Variants in GBE1 observed in about 807,000 individuals in gnomAD.
GBE1 encodes 1,4-alpha-glucan branching enzyme 1.
Under a neutral mutation model 88.8 loss-of-function variants are expected in GBE1, and 70 were observed. That is an observed-to-expected ratio of 0.79 (90% confidence interval 0.65 to 0.96). GBE1 has a LOEUF of 0.96. GBE1 is among the 40% of genes least tolerant of loss of function. The pLI, the probability that GBE1 is intolerant of heterozygous loss-of-function variation, is 0.00. For missense variants in GBE1, 872 were observed against 871.0 expected, an observed-to-expected ratio of 1.00 and a Z score of -0.01; for synonymous variants, 284 against 300.1, an observed-to-expected ratio of 0.95 and a Z score of 0.56.
At chr3:81,586,936 C>G (rs1195410720) in intron 9 of GBE1, among the ~76,000 whole-genome samples, 1 of 151,954 alleles carries the variant, frequency 6.6e-6, no homozygotes, top group Non-Finnish European at 1.5e-5. Context: ...TTACAGATGT[C>G]CACCACCATT....
At chr3:81,511,076 G>T (rs1447408296) in intron 14 of GBE1, among the ~76,000 whole-genome samples, 1 of 151,928 alleles carries the variant, frequency 6.6e-6, no homozygotes, top group Non-Finnish European at 1.5e-5. Context: ...AAACAATGGG[G>T]AAAGGACTCC....
rs368143823 is a variant in GBE1 at position 81,526,390 on chromosome 3, G to C, written c.1934+8805C>G. 5.9e-5 allele frequency among the ~76,000 whole-genome samples: 9 copies of C among 152,178 alleles called. No individual in the cohort carries two copies. The East Asian group carries it at 1.7e-3, about 30-fold the overall frequency. The stretch of plus-strand genomic sequence containing the variant: ...GGCCAGGGCAATCAGGCAGGAGAAA[G>C]AAATAAAGGGTAATCAATTAGGAAA... On this transcript the variant is annotated intron_variant, in intron 14 of 15. Coordinates refer to ENST00000429644, the MANE Select transcript of GBE1 (RefSeq NM_000158.4).
At chr3:81,664,216 T>C (rs554871116) in intron 3 of GBE1, among the ~76,000 whole-genome samples, 2 of 151,860 alleles carry the variant, frequency 1.3e-5, no homozygotes, top group South Asian at 4.2e-4. Flanking sequence ...TTATGAAAAA[T>C]AAGAAGAACA....
chr3:81,649,011 G>A lies in GBE1; in HGVS notation c.556-20C>T. ...CTTAAACTACAGAATATAAAATTAT[G>A]TATAGAGTTAAGCCAGGAATTCTGG... On this transcript the variant is annotated intron_variant, in intron 4 of 15. Coordinates refer to ENST00000429644, the MANE Select transcript of GBE1 (RefSeq NM_000158.4). The A allele has an allele frequency of 2.0e-6, 3 of 1,523,318 alleles. No homozygotes were observed. Among genetic ancestry groups the A allele is most frequent in the Non-Finnish European group, 2.7e-6 (3 of 1,125,506 alleles). The allele number at this position is 1,523,318 out of a possible 1,614,324, so 94.4% of individuals were successfully genotyped here. A position where few individuals can be genotyped will look rare whatever the true frequency, so the allele number is the denominator to read the frequency against.
chr3:81,678,866 T>C (rs1705298279), intron 2 of GBE1, among the ~76,000 whole-genome samples: 1 of 152,166 alleles, frequency 6.6e-6, no homozygotes, highest in South Asian at 2.1e-4. Context: ...TCAGGCAATC[T>C]GACTCTAGAC....
intron 14 of GBE1, among the ~76,000 whole-genome samples, chr3:81,517,964 G>A (rs1269514428): frequency 1.3e-5 from 2 of 151,160 alleles, no homozygotes; most frequent in African/African-American, 4.8e-5. Context: ...TGTATTCTAA[G>A]TAAACATATC....
intron 7 of GBE1, among the ~76,000 whole-genome samples, chr3:81,619,844 G>A (rs986109150): frequency 6.6e-6 from 1 of 151,868 alleles, no homozygotes; most frequent in African/African-American, 2.4e-5. Flanking sequence ...TTAATGTGAG[G>A]AAACAAAATA....
At chr3:81,492,717 C>CT (rs57498721) in intron 15 of GBE1, among the ~76,000 whole-genome samples, 78,059 of 117,110 alleles carry the variant, frequency 0.67, 24,055 homozygotes, top group South Asian at 0.8. Flanking sequence ...CCTTTCCTTC[C>CT]TTCCTTCCTT....
intron 2 of GBE1, among the ~76,000 whole-genome samples, chr3:81,683,420 C>T (rs1178184110): frequency 6.6e-6 from 1 of 152,022 alleles, no homozygotes; most frequent in East Asian, 1.9e-4. Context: ...TTAGCTTGCT[C>T]AATAAGTAGA....
intron 7 of GBE1, among the ~76,000 whole-genome samples, chr3:81,618,076 T>C (rs940409656): frequency 6.6e-6 from 1 of 151,992 alleles, no homozygotes; most frequent in East Asian, 1.9e-4. Flanking sequence ...AGAAGGAAAC[T>C]TTATTGTATT....
At chr3:81,622,881 TTTAA>T (rs1354798429) in intron 7 of GBE1, among the ~76,000 whole-genome samples, 3 of 152,202 alleles carry the variant, frequency 2.0e-5, no homozygotes, top group African/African-American at 7.2e-5. Flanking sequence ...CCATATTTAA[TTTAA>T]TTAATTATTA....
At chr3:81,742,948 G>C (rs1218090394) in intron 1 of GBE1, among the ~76,000 whole-genome samples, 1 of 152,094 alleles carries the variant, frequency 6.6e-6, no homozygotes, top group Non-Finnish European at 1.5e-5. Flanking sequence ...AACAACGACA[G>C]TAATAAATAT....
At chr3:81,692,352 G>A (rs1420386148) in intron 2 of GBE1, among the ~76,000 whole-genome samples, 1 of 152,138 alleles carries the variant, frequency 6.6e-6, no homozygotes, top group African/African-American at 2.4e-5. Flanking sequence ...GTTTATGTTT[G>A]CTTTTCAACC....
chr3:81,598,552 A>T lies in GBE1; in HGVS notation c.993-4529T>A, dbSNP rs149570389. Among the ~76,000 whole-genome samples the T allele has an allele frequency of 2.4e-3, 360 of 152,100 alleles. 2 individuals carry two copies. The highest frequency in any genetic ancestry group is 8.4e-3 in the African/African-American group (349 of 41,580). ...ATCAATTTTAATTAAATTAACCAAC[A>T]ATTAAAAATATTATGTTTTGCTCAT... On this transcript the variant is annotated intron_variant, in intron 7 of 15. Coordinates refer to ENST00000429644, the MANE Select transcript of GBE1 (RefSeq NM_000158.4).
At chr3:81,719,817 C>T (rs1705995860) in intron 1 of GBE1, among the ~76,000 whole-genome samples, 1 of 151,888 alleles carries the variant, frequency 6.6e-6, no homozygotes, top group African/African-American at 2.4e-5. Context: ...AATTTTTTTA[C>T]CTAAAACAAT....
chr3:81,503,958 T>A, intron 14 of GBE1, among the ~76,000 whole-genome samples: 1 of 152,086 alleles, frequency 6.6e-6, no homozygotes, highest in Admixed American at 6.6e-5. Flanking sequence ...CTTACACTCA[T>A]GGCAGAAGGA....
At chr3:81,560,362 TCTAA>T (rs748847274) in intron 12 of GBE1, among the ~76,000 whole-genome samples, 2 of 152,012 alleles carry the variant, frequency 1.3e-5, no homozygotes, top group Non-Finnish European at 2.9e-5. Flanking sequence ...ATCTAAGATA[TCTAA>T]CTGTCTTCTT....
intron 3 of GBE1, among the ~76,000 whole-genome samples, chr3:81,663,032 G>A (rs1273402683): frequency 1.3e-5 from 2 of 152,162 alleles, no homozygotes; most frequent in Admixed American, 6.5e-5. Context: ...CACAAAGAGT[G>A]GAAAACTCAA....
intron 1 of GBE1, among the ~76,000 whole-genome samples, chr3:81,716,704 C>T (rs1203999625): frequency 1.3e-5 from 2 of 152,122 alleles, no homozygotes; most frequent in African/African-American, 4.8e-5. Context: ...TTAATGTAAA[C>T]ATATTTTGAC....
Sources: gnomAD v4.1 joint callset for allele counts (sites outside exome capture counted in the v4.1 genomes callset) on GRCh38, gnomAD v4.1.1 for gene constraint, MANE v1.5 for transcripts, NCBI Gene and HGNC (gene_info 2026-07-23, HGNC 2026-07-21) for gene names.